The following MYCBP2 variants were observed in gnomAD, a reference collection of about 807,000 sequenced individuals.
MYCBP2 encodes the protein MYC binding protein 2.
Under a neutral mutation model 525.3 loss-of-function variants are expected in MYCBP2, and 120 were observed. The observed-to-expected ratio is 0.23, with a 90% CI of 0.20 to 0.27. MYCBP2 has a LOEUF of 0.27. Among genes scored for constraint, MYCBP2 ranks in the 10% least tolerant of loss-of-function variants. The pLI, the probability that MYCBP2 is intolerant of heterozygous loss-of-function variation, is 1.00. For synonymous variants in MYCBP2, 1,894 were observed against 1,955.8 expected (o/e 0.97, Z 0.83); for missense variants, 4,149 against 5,657.1 (o/e 0.73, Z 8.55).
intron 21 of MYCBP2, among the ~76,000 whole-genome samples, chr13:77,214,918 T>C (rs1175032666): frequency 6.6e-6 from 1 of 152,218 alleles, no homozygotes; most frequent in African/African-American, 2.4e-5. Context: ...TGTTATACAG[T>C]GCATAACTGT....
intron 52 of MYCBP2, among the ~76,000 whole-genome samples, chr13:77,130,998 T>A (rs117562874): frequency 0.029 from 4,475 of 152,314 alleles, 93 homozygotes; most frequent in East Asian, 0.052. Flanking sequence ...TTTAAAATGA[T>A]GTTAACTGCT....
chr13:77,109,169 G>A (rs181522054), intron 55 of MYCBP2, among the ~76,000 whole-genome samples: 1 of 152,252 alleles, frequency 6.6e-6, no homozygotes, highest in East Asian at 1.9e-4. Flanking sequence ...CTAACACAAT[G>A]GTCCCCTAAC....
chr13:77,305,450 A>G (rs549382968), intron 1 of MYCBP2, among the ~76,000 whole-genome samples: 10 of 152,258 alleles, frequency 6.6e-5, no homozygotes, highest in Middle Eastern at 3.4e-3. Context: ...AAGGTCATAA[A>G]TTGTATAATT....
intron 1 of MYCBP2, among the ~76,000 whole-genome samples, chr13:77,302,332 A>G (rs897053253): frequency 1.3e-5 from 2 of 148,224 alleles, no homozygotes; most frequent in African/African-American, 2.5e-5. Flanking sequence ...TTAAAGGAAC[A>G]ATAAAATTGA....
At chr13:77,127,579 C>T (rs73239492) in intron 52 of MYCBP2, among the ~76,000 whole-genome samples, 3,385 of 151,816 alleles carry the variant, frequency 0.022, 58 homozygotes, top group Middle Eastern at 0.079. Context: ...TAAAGAGACA[C>T]ACATGCAAAC....
At chr13:77,201,182 A>T (rs539612648) in intron 26 of MYCBP2, among the ~76,000 whole-genome samples, 25 of 151,408 alleles carry the variant, frequency 1.7e-4, no homozygotes, top group Non-Finnish European at 3.2e-4. Flanking sequence ...GGCTCAAAAT[A>T]AAAGGATGGA....
At chr13:77,258,447 CT>C (rs2072634145) in intron 13 of MYCBP2, among the ~76,000 whole-genome samples, 1 of 151,814 alleles carries the variant, frequency 6.6e-6, no homozygotes, top group African/African-American at 2.4e-5. Context: ...ATTGAAGCAT[CT>C]TTAACATTAA....
intron 65 of MYCBP2, among the ~76,000 whole-genome samples, chr13:77,079,817 G>T (rs2042985996): frequency 1.3e-5 from 2 of 152,118 alleles, no homozygotes; most frequent in Non-Finnish European, 2.9e-5. Flanking sequence ...TGTTCAAAAA[G>T]TTTCAGATTC....
At chr13:77,195,083 G>A (rs548773448) in intron 26 of MYCBP2, among the ~76,000 whole-genome samples, 5 of 151,884 alleles carry the variant, frequency 3.3e-5, no homozygotes, top group Non-Finnish European at 5.9e-5. Flanking sequence ...AATTGCAAGA[G>A]AGGCAGATAA....
At chr13:77,072,067 T>A (rs1471380186) in intron 68 of MYCBP2, among the ~76,000 whole-genome samples, 1 of 151,906 alleles carries the variant, frequency 6.6e-6, no homozygotes, top group Admixed American at 6.6e-5. Context: ...GGTGGGTGGA[T>A]CACGAGGTCA....
chr13:77,134,665 C>T (rs2053463032), intron 52 of MYCBP2, among the ~76,000 whole-genome samples: 1 of 151,882 alleles, frequency 6.6e-6, no homozygotes, highest in Non-Finnish European at 1.5e-5. Flanking sequence ...GATCTGAACC[C>T]TTCATCTATT....
intron 59 of MYCBP2, among the ~76,000 whole-genome samples, chr13:77,091,834 G>C (rs2045473739): frequency 6.6e-6 from 1 of 151,990 alleles, no homozygotes; most frequent in African/African-American, 2.4e-5. Context: ...CCATCCTCTT[G>C]CCTCAGCCTC....
At chr13:77,130,221 T>G (rs2052507055) in intron 52 of MYCBP2, among the ~76,000 whole-genome samples, 1 of 151,748 alleles carries the variant, frequency 6.6e-6, no homozygotes, top group Non-Finnish European at 1.5e-5. Flanking sequence ...TTCAAAATAT[T>G]AATAAAAAAG....
chr13:77,305,158 A>G (rs1339284517), intron 1 of MYCBP2, among the ~76,000 whole-genome samples: 1 of 152,090 alleles, frequency 6.6e-6, no homozygotes, highest in East Asian at 1.9e-4. Context: ...ACATTTCCCA[A>G]CTCATAAGAC....
At chr13:77,284,112 A>ATAT (rs1199683225) in intron 3 of MYCBP2, among the ~76,000 whole-genome samples, 1 of 152,202 alleles carries the variant, frequency 6.6e-6, no homozygotes, top group African/African-American at 2.4e-5. Flanking sequence ...ATCAAGGTCT[A>ATAT]TATAACAGTC....
At chr13:77,302,109 G>A (rs2078872382) in intron 1 of MYCBP2, among the ~76,000 whole-genome samples, 1 of 151,942 alleles carries the variant, frequency 6.6e-6, no homozygotes, top group Admixed American at 6.6e-5. Context: ...CCCAGAAAGA[G>A]AGAAAAAAGA....
At chr13:77,090,438 TTGAC>T (rs2045201882) in intron 59 of MYCBP2, 175 bp from the exon 60 acceptor site, 2 of 452,498 alleles carry the variant, frequency 4.4e-6, no homozygotes, top group Admixed American at 4.2e-5. Context: ...CAGTAACATT[TTGAC>T]TGATTTCAGC....
intron 13 of MYCBP2, among the ~76,000 whole-genome samples, chr13:77,258,851 C>T (rs909873552): frequency 6.6e-6 from 1 of 152,104 alleles, no homozygotes; most frequent in African/African-American, 2.4e-5. Context: ...GAAGCAGGTG[C>T]TATCATTATC....
chr13:77,180,357 T>C lies in MYCBP2; in HGVS notation c.4942-39A>G, dbSNP rs750533447. ...GAAAAAGTTCTAAGGTATTGTTTTA[T>C]TTTCCTTCATAGGAGTACTCAATTT... On this transcript the variant is annotated intron_variant, in intron 33 of 82. Transcript: ENST00000544440. 54 of 1,576,388 alleles carry C rather than the reference T, an allele frequency of 3.4e-5. No individual in the cohort carries two copies. In the Admixed American group the frequency reaches 9.2e-4, roughly 27 times the overall value.
Sources: allele counts gnomAD v4.1 joint callset (sites outside exome capture counted in the v4.1 genomes callset), GRCh38; gene constraint gnomAD v4.1.1; transcripts MANE v1.5; gene names NCBI Gene and HGNC (gene_info 2026-07-23, HGNC 2026-07-21).